The following LPXN variants were observed in gnomAD, a reference collection of about 807,000 sequenced individuals.
LPXN encodes leupaxin.
In LPXN, 28 loss-of-function variants were observed where a neutral mutation model predicts 45.6. The ratio of observed to expected loss-of-function variants is 0.61; its 90% CI spans 0.45 to 0.84. LPXN has a LOEUF of 0.84. Among genes scored for constraint, LPXN ranks in the 40% least tolerant of loss-of-function variants. The pLI is 0.00. For synonymous variants in LPXN, 166 were observed against 169.9 expected, an observed-to-expected ratio of 0.98 and a Z score of 0.18; for missense variants, 459 against 475.0, an observed-to-expected ratio of 0.97 and a Z score of 0.31.
At chr11:58,561,013 G>A (rs898874949) in intron 3 of LPXN, among the ~76,000 whole-genome samples, 1 of 151,976 alleles carries the variant, frequency 6.6e-6, no homozygotes, top group Admixed American at 6.6e-5. Flanking sequence ...GAAATCACCG[G>A]GCCAAAAGGT....
At position 58,532,645 on chromosome 11, in the gene LPXN, T is replaced by A. The variant is rs965274541; in HGVS notation, c.743-4454A>T. 5.3e-5 allele frequency among the ~76,000 whole-genome samples: 8 copies of A among 152,328 alleles called. 1 individual carries two copies. The highest frequency in any genetic ancestry group is 1.9e-4 in the African/African-American group (8 of 41,572). ...CACCAATCAGCACTCTGTGTCTAGCTCAGGGATTGTAAATGCACCAGTCAG... is the reference window on the plus strand; with the variant it reads ...CACCAATCAGCACTCTGTGTCTAGCACAGGGATTGTAAATGCACCAGTCAG... On this transcript the variant is annotated intron_variant, in intron 7 of 8. Coordinates refer to ENST00000395074, the MANE Select transcript of LPXN (RefSeq NM_004811.3).
rs767367127 is a variant in LPXN at position 58,570,707 on chromosome 11, A to G, written c.20T>C (p.Leu7Ser). The G allele has an allele frequency of 2.5e-6, 4 of 1,609,966 alleles. No individual in the cohort carries two copies. The highest frequency in any genetic ancestry group is 2.5e-6 in the Non-Finnish European group (3 of 1,177,632). MEELDA[L>S]LEELERSTLQ... ...GGTGGAGCGTTCCAGTTCCTCCAAT[A>G]AGGCATCTACACCATAAGAAGCAAG... The change falls in exon 2 of 9, where the codon TTA (leucine) becomes TCA (serine). Residue 7 changes from leucine (L) to serine (S), a missense_variant. Leu to Ser is a moderately radical substitution (Grantham distance 145, BLOSUM62 -2). Transcript: ENST00000395074.
chr11:58,536,719 G>A (rs1297587601), intron 7 of LPXN, among the ~76,000 whole-genome samples: 1 of 151,992 alleles, frequency 6.6e-6, no homozygotes, highest in Non-Finnish European at 1.5e-5. Flanking sequence ...AGAGTGAACA[G>A]GCAATCTACA....
chr11:58,550,170 C>T, intron 5 of LPXN, 24 bp from the exon 6 acceptor site: 4 of 1,605,652 alleles, frequency 2.5e-6, no homozygotes, highest in Non-Finnish European at 3.4e-6. Flanking sequence ...TAAAGCCTGA[C>T]ACAGGAGGCC....
chr11:58,577,551 T>C (rs544170434), upstream of LPXN, among the ~76,000 whole-genome samples: 90 of 152,288 alleles, frequency 5.9e-4, no homozygotes, highest in African/African-American at 2.1e-3. Flanking sequence ...GTTCCTTGAT[T>C]GTAATGGATG....
rs750473028 is a variant in LPXN, at chr11:58,570,579, G to A, written c.148C>T (p.Gln50Ter). The change falls in exon 2 of 9, where the codon CAG becomes TAG. Residue 50 changes from glutamine to a stop codon, truncating the protein, a stop_gained. Coordinates refer to ENST00000395074, the MANE Select transcript of LPXN (RefSeq NM_004811.3). LOFTEE classifies it high-confidence loss of function. ...ACCGGCAAGGGACTTGTGTTATCCT[G>A]AATAGAAAGGATCTCCGAAGTCTCA... is the stretch of plus-strand genomic sequence containing the variant. The part of the protein sequence containing the change: ...LDETSEILSI[Q>*]DNTSPLPAQL... 6.2e-7 allele frequency: 1 copy of A among 1,612,858 alleles called. No individual in the cohort carries two copies. Among genetic ancestry groups the A allele is most frequent in the Admixed American group, 1.7e-5 (1 of 60,024 alleles).
chr11:58,565,196 G>A (rs1328700578), intron 2 of LPXN, among the ~76,000 whole-genome samples: 1 of 152,094 alleles, frequency 6.6e-6, no homozygotes, highest in Non-Finnish European at 1.5e-5. Context: ...CAGTACTTTG[G>A]GCAGCCGAGG....
chr11:58,550,424 A>G (rs965893914), intron 5 of LPXN, among the ~76,000 whole-genome samples: 1 of 152,258 alleles, frequency 6.6e-6, no homozygotes, highest in African/African-American at 2.4e-5. Context: ...GGGGTGGCAG[A>G]AACAACATAT....
chr11:58,530,285 C>T (rs1218683457), intron 7 of LPXN, among the ~76,000 whole-genome samples: 1 of 152,206 alleles, frequency 6.6e-6, no homozygotes, highest in Non-Finnish European at 1.5e-5. Flanking sequence ...GCCCAGCAAG[C>T]TAAGATCCAC....
rs544211753 is a variant in LPXN, at chr11:58,559,245, T to C, written c.219-4305A>G. On this transcript the variant is annotated intron_variant, in intron 3 of 8. Transcript: ENST00000395074. ...TACACATACACATTTATATATACCATAGGTGGTTATATAAATTTATAAACA... is the reference window on the plus strand; with the variant it reads ...TACACATACACATTTATATATACCACAGGTGGTTATATAAATTTATAAACA... 5.9e-4 allele frequency among the ~76,000 whole-genome samples: 90 copies of C among 152,178 alleles called. 1 individual carries two copies. The highest frequency in any genetic ancestry group is 3.4e-3 in the Middle Eastern group (1 of 294).
intron 7 of LPXN, among the ~76,000 whole-genome samples, chr11:58,533,684 A>G (rs896296736): frequency 3.3e-5 from 5 of 152,226 alleles, no homozygotes; most frequent in African/African-American, 1.2e-4. Context: ...ATTAACCTTA[A>G]ATGTAAATGG....
intron 2 of LPXN, 95 bp downstream of exon 2, chr11:58,570,461 A>ATTC (rs1854655363): frequency 1.1e-6 from 1 of 925,900 alleles, no homozygotes; most frequent in African/African-American, 1.6e-5. Context: ...TGGATATATT[A>ATTC]TTCTCCTTTC....
At chr11:58,557,257 C>T (rs537121220) in intron 3 of LPXN, among the ~76,000 whole-genome samples, 1 of 152,250 alleles carries the variant, frequency 6.6e-6, no homozygotes, top group Non-Finnish European at 1.5e-5. Context: ...TTCATTGCCA[C>T]AATATTCACA....
At chr11:58,535,684 A>C (rs1853530084) in intron 7 of LPXN, among the ~76,000 whole-genome samples, 1 of 152,236 alleles carries the variant, frequency 6.6e-6, no homozygotes, top group Non-Finnish European at 1.5e-5. Flanking sequence ...ATCAGGCAAC[A>C]GAAAGAAATA....
intron 1 of LPXN, among the ~76,000 whole-genome samples, chr11:58,571,746 T>C (rs1186282962): frequency 6.6e-6 from 1 of 151,710 alleles, no homozygotes; most frequent in Non-Finnish European, 1.5e-5. Context: ...AATTAACACA[T>C]GCCAGGCACT....
At chr11:58,556,423 T>C (rs1052422554) in intron 3 of LPXN, among the ~76,000 whole-genome samples, 8 of 152,196 alleles carry the variant, frequency 5.3e-5, no homozygotes, top group Non-Finnish European at 1.0e-4. Flanking sequence ...AGCCTCATAA[T>C]TATTAAGCAG....
intron 7 of LPXN, among the ~76,000 whole-genome samples, chr11:58,541,924 G>C (rs1346283038): frequency 5.3e-5 from 8 of 151,924 alleles, no homozygotes; most frequent in Middle Eastern, 3.4e-3. Flanking sequence ...ATCATTCTCA[G>C]TAAACTATCT....
chr11:58,536,293 T>C (rs1165877857), intron 7 of LPXN, among the ~76,000 whole-genome samples: 2 of 152,192 alleles, frequency 1.3e-5, no homozygotes, highest in African/African-American at 4.8e-5. Flanking sequence ...AACAGCATGG[T>C]ACTGGTACCA....
intron 7 of LPXN, among the ~76,000 whole-genome samples, chr11:58,536,697 T>C (rs1381077035): frequency 6.6e-6 from 1 of 151,670 alleles, no homozygotes; most frequent in Non-Finnish European, 1.5e-5. Context: ...CACAGCAAAA[T>C]AAACTATCAT....
Sources: gnomAD v4.1 joint callset for allele counts (sites outside exome capture counted in the v4.1 genomes callset) on GRCh38, gnomAD v4.1.1 for gene constraint, MANE v1.5 for transcripts, NCBI Gene and HGNC (gene_info 2026-07-23, HGNC 2026-07-21) for gene names.